The following PCNX2 variants were observed in gnomAD, a reference collection of about 807,000 sequenced individuals.
The protein encoded by PCNX2 is pecanex 2.
In PCNX2, 168 loss-of-function variants were observed where a neutral mutation model predicts 223.8. That is an observed-to-expected ratio of 0.75 (90% CI 0.66 to 0.85). The LOEUF is 0.85. Ranked by LOEUF, PCNX2 falls within the 40% of genes least tolerant of loss-of-function variation. PCNX2 has a pLI of 0.00. For missense variants in PCNX2, 2,507 were observed against 2,675.5 expected (o/e 0.94, Z 1.39); for synonymous variants, 1,006 against 1,052.6 (o/e 0.96, Z 0.86).
intron 21 of PCNX2, among the ~76,000 whole-genome samples, chr1:233,132,062 G>T (rs1676536542): frequency 6.6e-6 from 1 of 151,702 alleles, no homozygotes; most frequent in Admixed American, 6.6e-5. Flanking sequence ...TCAGCCTCCT[G>T]ACTAGCTGGG....
At position 233,102,274 on chromosome 1, in the gene PCNX2, C is replaced by G. The variant is rs138059108; in HGVS notation, c.3838-6411G>C. The stretch of plus-strand genomic sequence containing the variant: ...TATATACACGGTTTCTTTATCCATT[C>G]ATCTGCTGATGGGGACTGAGGTTGA... On this transcript the variant is annotated intron_variant, in intron 21 of 33. Transcript: ENST00000258229. Among the ~76,000 whole-genome samples, 654 of 152,178 alleles carry G rather than the reference C, an allele frequency of 4.3e-3. 2 individuals carry two copies. The highest frequency in any genetic ancestry group is 6.7e-3 in the Non-Finnish European group (456 of 67,992).
chr1:233,158,156 AAAAACAAAAC>A (rs147231071), intron 19 of PCNX2, among the ~76,000 whole-genome samples: 13 of 152,248 alleles, frequency 8.5e-5, no homozygotes, highest in South Asian at 6.2e-4. Flanking sequence ...TGCAGGAGAG[AAAAACAAAAC>A]AAAACAAAAC....
At chr1:233,222,593 C>T (rs1657448747) in intron 10 of PCNX2, among the ~76,000 whole-genome samples, 1 of 152,086 alleles carries the variant, frequency 6.6e-6, no homozygotes, top group Non-Finnish European at 1.5e-5. Context: ...AGGGAAGATG[C>T]TATTGCAGTA....
At chr1:233,224,309 C>T (rs137900777) in intron 10 of PCNX2, among the ~76,000 whole-genome samples, 4 of 152,290 alleles carry the variant, frequency 2.6e-5, no homozygotes, top group Non-Finnish European at 2.9e-5. Context: ...AGTCCAGAAA[C>T]ATCTGAGTAG....
At chr1:233,117,239 T>G (rs936742533) in intron 21 of PCNX2, among the ~76,000 whole-genome samples, 1 of 152,088 alleles carries the variant, frequency 6.6e-6, no homozygotes, top group Admixed American at 6.6e-5. Context: ...TTCCACAAAA[T>G]CTCTCCAGAA....
chr1:233,180,270 T>A (rs1679711786), intron 15 of PCNX2, among the ~76,000 whole-genome samples: 1 of 152,210 alleles, frequency 6.6e-6, no homozygotes, highest in Admixed American at 6.5e-5. Flanking sequence ...ATGTCAGTTA[T>A]CAACACATTG....
intron 25 of PCNX2, among the ~76,000 whole-genome samples, chr1:233,043,243 G>A (rs1016868361): frequency 1.3e-5 from 2 of 152,078 alleles, no homozygotes; most frequent in South Asian, 2.1e-4. Context: ...GAGCAGAAAT[G>A]GATAATCAAC....
Position 233,258,440 on chromosome 1 carries a change from C to A in PCNX2, c.1422G>T (p.Glu474Asp). 1 of 1,613,934 alleles carries A rather than the reference C, an allele frequency of 6.2e-7. No homozygotes were observed. Among genetic ancestry groups the A allele is most frequent in the Non-Finnish European group, 8.5e-7 (1 of 1,179,862 alleles). ...TGTGATCCTTGATGGCATTTCCCCC[C>A]TCCCCAGATCCGTAGCCAGAACACT... ...TNQCSGYGSGEGGNAIKDHSS... is the reference protein window; with the variant it reads ...TNQCSGYGSGDGGNAIKDHSS... Residue 474 changes from glutamate to aspartate, a missense_variant, in exon 5 of 34, where the codon GAG becomes GAT. Coordinates refer to ENST00000258229, the MANE Select transcript of PCNX2 (RefSeq NM_014801.4).
At chr1:233,244,043 C>T (rs962886666) in intron 8 of PCNX2, among the ~76,000 whole-genome samples, 10 of 152,114 alleles carry the variant, frequency 6.6e-5, no homozygotes, top group Non-Finnish European at 1.2e-4. Context: ...GTTGATCAGG[C>T]TGGTCTTGAA....
At chr1:233,130,473 G>A (rs1196074306) in intron 21 of PCNX2, among the ~76,000 whole-genome samples, 2 of 142,416 alleles carry the variant, frequency 1.4e-5, no homozygotes, top group African/African-American at 5.2e-5. Flanking sequence ...TTTTGTGTGT[G>A]TGTGTGTGTG....
chr1:233,210,205 G>C (rs1681741230), intron 12 of PCNX2, among the ~76,000 whole-genome samples: 1 of 152,104 alleles, frequency 6.6e-6, no homozygotes, highest in Admixed American at 6.5e-5. Context: ...CCATGTTACT[G>C]CTTTACCACA....
intron 23 of PCNX2, 31 bp from the exon 24 acceptor site, chr1:233,057,321 A>G: frequency 6.5e-7 from 1 of 1,548,158 alleles, no homozygotes; most frequent in Non-Finnish European, 8.9e-7. Context: ...GTAAAAGGTC[A>G]TGATTAGATC....
chr1:233,258,038 C>G lies in PCNX2; in HGVS notation c.1824G>C (p.Gly608=). ...GACATGGAATCGCACCTCGGAGAAG[C>G]CCACTTTCTTCATTCTGCTCAGCTG... ...NGSAEQNEES[G]LLRDNCSQEK... Residue 608 remains glycine, a synonymous_variant, in exon 5 of 34, where the codon GGG becomes GGC. Coordinates refer to ENST00000258229, the MANE Select transcript of PCNX2 (RefSeq NM_014801.4). The G allele has an allele frequency of 6.2e-7, 1 of 1,610,668 alleles. No individual in the cohort carries two copies. The highest frequency in any genetic ancestry group is 2.2e-5 in the East Asian group (1 of 44,746).
intron 25 of PCNX2, among the ~76,000 whole-genome samples, chr1:233,026,791 AG>A (rs1671093576): frequency 6.6e-6 from 1 of 152,180 alleles, no homozygotes; most frequent in Non-Finnish European, 1.5e-5. Flanking sequence ...TTTGAGTAGG[AG>A]TGAAGGGAAG....
chr1:233,031,734 C>T, intron 25 of PCNX2: 1 of 984,220 alleles, frequency 1.0e-6, no homozygotes, highest in African/African-American at 1.8e-5. Context: ...CTTCGGATTC[C>T]ATTTGTCTTT....
rs960070202 is a variant in PCNX2 at position 232,984,425 on chromosome 1, T to C, written c.6293A>G (p.His2098Arg). Reference sequence around the variant, plus strand: ...CACAGCCTCAGCCAGACATCGGTCATGAAGCTGCCCCTGCTCGGTGGCATC... The same window carrying C: ...CACAGCCTCAGCCAGACATCGGTCACGAAGCTGCCCCTGCTCGGTGGCATC... ...PPDATEQGQL[H>R]DRCLAEAVAD... Residue 2098 changes from histidine (H) to arginine (R), a missense_variant, in exon 34 of 34, where the codon CAT becomes CGT. His to Arg is a conservative substitution (Grantham distance 29, BLOSUM62 0). Transcript: ENST00000258229. 20 of 1,613,686 alleles carry C rather than the reference T, an allele frequency of 1.2e-5. No homozygotes were observed. The highest frequency in any genetic ancestry group is 3.3e-4 in the Middle Eastern group (2 of 6,058).
intron 15 of PCNX2, among the ~76,000 whole-genome samples, chr1:233,189,884 T>A (rs1057304614): frequency 6.6e-6 from 1 of 152,192 alleles, no homozygotes; most frequent in Admixed American, 6.5e-5. Context: ...GAGCAAATAT[T>A]CTGGTTGTTT....
chr1:233,200,867 A>C lies in PCNX2; in HGVS notation c.2864-603T>G, dbSNP rs1485693850. On this transcript the variant is annotated intron_variant, in intron 13 of 33. Transcript: ENST00000258229. ...CGAAACCCCACCTTTACTAAAAAAA[A>C]ATACAAAAATTAGCTGGGCGTGGTG... 2.0e-5 allele frequency among the ~76,000 whole-genome samples: 3 copies of C among 151,692 alleles called. No homozygotes were observed. In the South Asian group the frequency reaches 6.3e-4, roughly 32 times the overall value.
At chr1:233,288,188 A>G (rs1227885346) in intron 1 of PCNX2, among the ~76,000 whole-genome samples, 1 of 152,262 alleles carries the variant, frequency 6.6e-6, no homozygotes, top group Non-Finnish European at 1.5e-5. Context: ...CCAGAAAATA[A>G]CAATCACCTA....
Sources: allele counts gnomAD v4.1 joint callset (sites outside exome capture counted in the v4.1 genomes callset), GRCh38; gene constraint gnomAD v4.1.1; transcripts MANE v1.5; gene names NCBI Gene and HGNC (gene_info 2026-07-23, HGNC 2026-07-21).